Variants in BNC2 observed in about 807,000 individuals in gnomAD.
BNC2 encodes the protein basonuclin zinc finger protein 2.
BNC2 carries 20 observed loss-of-function variants against 76.3 expected under a neutral mutation model. That is an observed-to-expected ratio of 0.26 (90% CI 0.18 to 0.38). The LOEUF is 0.38. Ranked by LOEUF, BNC2 falls within the 10% of genes least tolerant of loss-of-function variation. The pLI is 1.00. For synonymous variants in BNC2, 582 were observed against 514.8 expected, an observed-to-expected ratio of 1.13 and a Z score of -1.77; for missense variants, 1,382 against 1,399.8, an observed-to-expected ratio of 0.99 and a Z score of 0.20.
intron 5 of BNC2, among the ~76,000 whole-genome samples, chr9:16,450,752 A>C (rs549454232): frequency 6.6e-6 from 1 of 152,348 alleles, no homozygotes; most frequent in South Asian, 2.1e-4. Context: ...AAAGGGAAAC[A>C]TGAAAGCCAG....
intron 1 of BNC2, among the ~76,000 whole-genome samples, chr9:16,855,560 C>T (rs1318921578): frequency 1.3e-5 from 2 of 152,146 alleles, no homozygotes; most frequent in African/African-American, 4.8e-5. Flanking sequence ...TTTTTTGAGA[C>T]GGAGTCTCGC....
rs540075265 is a variant in BNC2 at position 16,735,752 on chromosome 9, G to A, written c.129+2608C>T. Among the ~76,000 whole-genome samples the A allele has an allele frequency of 8.0e-4, 122 of 151,994 alleles. 2 individuals carry two copies. The South Asian group carries it at 0.024, about 30-fold the overall frequency. On this transcript the variant is annotated intron_variant, in intron 2 of 6. Coordinates refer to ENST00000380672, the MANE Select transcript of BNC2 (RefSeq NM_017637.6). ...ACTCCTGGCCTCAATTGATCTGCCC[G>A]CCTTGCCTCCCAAAGTGCTGGGATT...
At chr9:16,824,841 T>C (rs1031507643) in intron 1 of BNC2, among the ~76,000 whole-genome samples, 5 of 152,168 alleles carry the variant, frequency 3.3e-5, no homozygotes, top group African/African-American at 1.2e-4. Context: ...AGAGGACTGT[T>C]AGCCTGGAGT....
At chr9:16,504,401 T>C (rs567131905) in intron 5 of BNC2, among the ~76,000 whole-genome samples, 2 of 150,876 alleles carry the variant, frequency 1.3e-5, no homozygotes, top group Admixed American at 6.6e-5. Context: ...CTCACAATTA[T>C]ATCTATTCCA....
At chr9:16,771,249 G>T (rs1825824106) in intron 1 of BNC2, among the ~76,000 whole-genome samples, 1 of 152,230 alleles carries the variant, frequency 6.6e-6, no homozygotes, top group Non-Finnish European at 1.5e-5. Flanking sequence ...AGGTGGCACT[G>T]AGTCTAACAG....
intron 1 of BNC2, among the ~76,000 whole-genome samples, chr9:16,817,623 T>C (rs1818217063): frequency 6.6e-6 from 1 of 152,168 alleles, no homozygotes; most frequent in Non-Finnish European, 1.5e-5. Context: ...CTGAAGGTGT[T>C]TCTCAAATAC....
At chr9:16,626,585 T>A (rs1438833168) in intron 3 of BNC2, among the ~76,000 whole-genome samples, 4 of 152,106 alleles carry the variant, frequency 2.6e-5, no homozygotes, top group African/African-American at 9.7e-5. Flanking sequence ...TGCAATTTAG[T>A]ATTGGATTCA....
chr9:16,742,871 C>G (rs1824890394), intron 1 of BNC2, among the ~76,000 whole-genome samples: 1 of 152,114 alleles, frequency 6.6e-6, no homozygotes, highest in Non-Finnish European at 1.5e-5. Context: ...CTTCTGGATA[C>G]TTATAAGCTA....
intron 3 of BNC2, among the ~76,000 whole-genome samples, chr9:16,684,334 ACATGATCGTGTCTCATGTGT>A (rs1822913332): frequency 6.6e-6 from 1 of 152,202 alleles, no homozygotes; most frequent in African/African-American, 2.4e-5. Flanking sequence ...ACTAGGAAAT[ACATGATCGTGTCTCATGTGT>A]CCCACCTGCT....
chr9:16,601,506 G>C (rs1253024470), intron 3 of BNC2, among the ~76,000 whole-genome samples: 1 of 152,192 alleles, frequency 6.6e-6, no homozygotes, highest in Non-Finnish European at 1.5e-5. Flanking sequence ...GAAGTAAGCA[G>C]TTTCCTGAGG....
chr9:16,536,370 CTTG>C (rs1290276910), intron 5 of BNC2, among the ~76,000 whole-genome samples: 3 of 152,112 alleles, frequency 2.0e-5, no homozygotes, highest in African/African-American at 7.2e-5. Flanking sequence ...TGTGGTCTTT[CTTG>C]TTGTGAAGTT....
chr9:16,577,082 T>C (rs10962495), intron 4 of BNC2, among the ~76,000 whole-genome samples: 4,832 of 152,268 alleles, frequency 0.032, 294 homozygotes, highest in East Asian at 0.22. Context: ...AGCCCTGATT[T>C]AGGATTTATG....
chr9:16,422,074 G>A (rs1484829761), intron 6 of BNC2, among the ~76,000 whole-genome samples: 1 of 152,128 alleles, frequency 6.6e-6, no homozygotes, highest in Admixed American at 6.6e-5. Context: ...AGGACACACT[G>A]ATCACCCAGA....
At chr9:16,859,410 A>G (rs926162307) in intron 1 of BNC2, among the ~76,000 whole-genome samples, 7 of 152,242 alleles carry the variant, frequency 4.6e-5, no homozygotes, top group Admixed American at 6.5e-5. Flanking sequence ...TCACAACAGC[A>G]TAATTCACAA....
At chr9:16,819,243 A>T (rs2135929204) in intron 1 of BNC2, among the ~76,000 whole-genome samples, 1 of 152,374 alleles carries the variant, frequency 6.6e-6, no homozygotes, top group South Asian at 2.1e-4. Flanking sequence ...GTATAAGATT[A>T]TGGTGTATCC....
intron 5 of BNC2, among the ~76,000 whole-genome samples, chr9:16,454,151 A>G (rs1821398109): frequency 1.3e-5 from 2 of 152,042 alleles, no homozygotes; most frequent in African/African-American, 4.8e-5. Flanking sequence ...TGTTTTTTTA[A>G]TCACATTCTA....
intron 1 of BNC2, among the ~76,000 whole-genome samples, chr9:16,756,496 T>C (rs968794794): frequency 7.2e-5 from 11 of 152,112 alleles, no homozygotes; most frequent in African/African-American, 2.7e-4. Flanking sequence ...TCCCTTCCAA[T>C]ACATTCTTCA....
At chr9:16,737,093 A>G (rs1195034685) in intron 2 of BNC2, among the ~76,000 whole-genome samples, 1 of 152,002 alleles carries the variant, frequency 6.6e-6, no homozygotes, top group East Asian at 1.9e-4. Flanking sequence ...GGCGAGAGCC[A>G]CCATGCCCAG....
chr9:16,463,106 G>T (rs1821620594), intron 5 of BNC2, among the ~76,000 whole-genome samples: 1 of 152,008 alleles, frequency 6.6e-6, no homozygotes, highest in Admixed American at 6.6e-5. Context: ...AGGGAGACTA[G>T]TACACTAAGA....
Sources: gnomAD v4.1 joint callset for allele counts (sites outside exome capture counted in the v4.1 genomes callset) on GRCh38, gnomAD v4.1.1 for gene constraint, MANE v1.5 for transcripts, NCBI Gene and HGNC (gene_info 2026-07-23, HGNC 2026-07-21) for gene names.